NPAS3: variants seen among roughly 807,000 people sequenced by gnomAD.
NPAS3 encodes the protein neuronal PAS domain protein 3.
Under a neutral mutation model 73.1 loss-of-function variants are expected in NPAS3, and 14 were observed. The ratio of observed to expected loss-of-function variants is 0.19; its 90% CI spans 0.13 to 0.30. The LOEUF (loss-of-function observed/expected upper bound fraction) is 0.30. Among genes scored for constraint, NPAS3 ranks in the 10% least tolerant of loss-of-function variants. The pLI is 1.00. For missense variants in NPAS3, 1,096 were observed against 1,250.0 expected (o/e 0.88, Z 1.86); for synonymous variants, 620 against 541.5 (o/e 1.14, Z -2.01).
intron 4 of NPAS3, among the ~76,000 whole-genome samples, chr14:33,498,396 T>C (rs2052321179): frequency 1.3e-5 from 2 of 152,294 alleles, no homozygotes; most frequent in African/African-American, 4.8e-5. Flanking sequence ...TGCACACATA[T>C]GTTTACTGCA....
rs184983776 is a variant in NPAS3, at chr14:33,786,197, T to G, written c.1153+7625T>G. Reference sequence around the variant, plus strand: ...TGTTATCCAGAAGGAAGTGGCAGAATAGCTGTTGAGCAGACGACCAACAAT... The same window carrying G: ...TGTTATCCAGAAGGAAGTGGCAGAAGAGCTGTTGAGCAGACGACCAACAAT... On this transcript the variant is annotated intron_variant, in intron 9 of 11. Transcript: ENST00000356141. Among the ~76,000 whole-genome samples the G allele has an allele frequency of 2.4e-3, 362 of 152,302 alleles. 1 individual carries two copies. Among genetic ancestry groups the G allele is most frequent in the African/African-American group, 8.4e-3 (350 of 41,560 alleles).
rs2042713076 is a variant in NPAS3, at chr14:33,305,349, C to T, written c.386-61837C>T. 2.0e-5 allele frequency among the ~76,000 whole-genome samples: 3 copies of T among 152,048 alleles called. No individual in the cohort carries two copies. The South Asian group carries it at 6.2e-4, about 32-fold the overall frequency. On this transcript the variant is annotated intron_variant, in intron 3 of 11. Coordinates refer to ENST00000356141, the Ensembl canonical transcript of NPAS3. ...TTCGCCTAAATCCTTTAAGGCAATT[C>T]TGTTTCTAATGAAACACCACTATGG...
chr14:33,109,391 C>T (rs2042818873), intron 2 of NPAS3, among the ~76,000 whole-genome samples: 1 of 151,964 alleles, frequency 6.6e-6, no homozygotes, highest in Non-Finnish European at 1.5e-5. Context: ...ATGTGTATAA[C>T]CCTAGCTCAA....
chr14:33,133,119 C>A (rs1304885528), intron 2 of NPAS3, among the ~76,000 whole-genome samples: 1 of 152,076 alleles, frequency 6.6e-6, no homozygotes, highest in Non-Finnish European at 1.5e-5. Flanking sequence ...AGTAGTAACA[C>A]AAAAATTCCC....
chr14:33,050,913 C>T (rs2040679582), intron 1 of NPAS3, among the ~76,000 whole-genome samples: 1 of 152,182 alleles, frequency 6.6e-6, no homozygotes, highest in Non-Finnish European at 1.5e-5. Context: ...TTTGGGCCAT[C>T]CTCAGCAGGT....
At chr14:32,938,525 A>AGAGAGAGAGAGAGAGAGAGAGAGAGGG (rs1566779564), upstream of NPAS3, among the ~76,000 whole-genome samples, 6 of 66,240 alleles carry the variant, frequency 9.1e-5, no homozygotes, top group African/African-American at 2.7e-4. Context: ...GAGAGAGAGA[A>AGAGAGAGAGAGAGAGAGAGAGAGAGGG]GGGGGGGGAG....
intron 2 of NPAS3, among the ~76,000 whole-genome samples, chr14:33,136,179 G>A (rs922012022): frequency 1.3e-5 from 2 of 149,676 alleles, no homozygotes; most frequent in Non-Finnish European, 3.0e-5. Flanking sequence ...TCCTGCCTCA[G>A]CCTCCTGAGA....
At chr14:33,198,241 G>A (rs1398643825) in intron 2 of NPAS3, among the ~76,000 whole-genome samples, 4 of 152,136 alleles carry the variant, frequency 2.6e-5, no homozygotes, top group East Asian at 1.9e-4. Flanking sequence ...TCCACAGCAT[G>A]GAAGGGGACC....
chr14:33,703,729 C>T (rs926949718), intron 6 of NPAS3, among the ~76,000 whole-genome samples: 3 of 151,980 alleles, frequency 2.0e-5, no homozygotes, highest in Non-Finnish European at 4.4e-5. Flanking sequence ...ATGTGCCAGG[C>T]CATATACATG....
At chr14:33,737,224 A>C (rs2061544657) in intron 7 of NPAS3, among the ~76,000 whole-genome samples, 1 of 152,156 alleles carries the variant, frequency 6.6e-6, no homozygotes, top group Non-Finnish European at 1.5e-5. Flanking sequence ...TTAAATAGGA[A>C]GATTATAAAA....
chr14:33,094,229 G>A (rs779598337), intron 2 of NPAS3, among the ~76,000 whole-genome samples: 2 of 151,866 alleles, frequency 1.3e-5, no homozygotes, highest in Non-Finnish European at 2.9e-5. Flanking sequence ...TACAACTAAG[G>A]TTAAATATTC....
At chr14:33,426,146 A>G (rs887260306) in intron 4 of NPAS3, among the ~76,000 whole-genome samples, 7 of 152,090 alleles carry the variant, frequency 4.6e-5, no homozygotes, top group African/African-American at 1.7e-4. Context: ...GGACAGAATG[A>G]AGATAAGACA....
chr14:33,405,636 T>C (rs1046099066), intron 4 of NPAS3, among the ~76,000 whole-genome samples: 1 of 152,116 alleles, frequency 6.6e-6, no homozygotes, highest in African/African-American at 2.4e-5. Flanking sequence ...TATTTTGTTT[T>C]GCCTTTGGAA....
chr14:32,968,171 G>A (rs925306623), intron 1 of NPAS3, among the ~76,000 whole-genome samples: 1 of 152,078 alleles, frequency 6.6e-6, no homozygotes, highest in African/African-American at 2.4e-5. Context: ...TTGCACAGTA[G>A]GATGACTACA....
In NPAS3 at chr14:33,032,596, T is replaced by C. The variant is rs117823956; in HGVS notation, c.51-23309T>C. ...CACAGTCTGCATGGACTGACAGAGA[T>C]GGTATGTAAGTACACCAGTTTCTCC... On this transcript the variant is annotated intron_variant, in intron 1 of 11. Coordinates refer to ENST00000356141, the Ensembl canonical transcript of NPAS3. 9.2e-3 allele frequency among the ~76,000 whole-genome samples: 1,402 copies of C among 152,276 alleles called. 12 individuals are homozygous for C. The highest frequency in any genetic ancestry group is 0.013 in the Non-Finnish European group (852 of 68,030).
upstream of NPAS3, among the ~76,000 whole-genome samples, chr14:32,938,525 A>AGAGAGAGAGGG (rs1566779564): frequency 3.0e-5 from 2 of 66,224 alleles, no homozygotes; most frequent in African/African-American, 5.5e-5. Flanking sequence ...GAGAGAGAGA[A>AGAGAGAGAGGG]GGGGGGGGAG....
At chr14:33,674,550 A>G (rs1301945277) in intron 5 of NPAS3, among the ~76,000 whole-genome samples, 1 of 152,328 alleles carries the variant, frequency 6.6e-6, no homozygotes, top group East Asian at 1.9e-4. Context: ...TAAAGGGATT[A>G]TTTCCATGTA....
chr14:33,252,506 C>T (rs140707251), intron 3 of NPAS3, among the ~76,000 whole-genome samples: 2 of 151,596 alleles, frequency 1.3e-5, no homozygotes, highest in East Asian at 3.9e-4. Context: ...GCAAAATAAC[C>T]CCATGATGTA....
At chr14:33,197,139 C>A (rs926505098) in intron 2 of NPAS3, among the ~76,000 whole-genome samples, 1 of 151,958 alleles carries the variant, frequency 6.6e-6, no homozygotes, top group Admixed American at 6.6e-5. Flanking sequence ...AAAATTATAG[C>A]CTACAGTTGA....
Sources: gnomAD v4.1 joint callset for allele counts (sites outside exome capture counted in the v4.1 genomes callset) on GRCh38, gnomAD v4.1.1 for gene constraint, MANE v1.5 for transcripts, NCBI Gene and HGNC (gene_info 2026-07-23, HGNC 2026-07-21) for gene names.